The following CCDC18 variants were observed in gnomAD, a reference collection of about 807,000 sequenced individuals.
CCDC18 encodes coiled-coil domain-containing protein 18.
Under a neutral mutation model 196.0 loss-of-function variants are expected in CCDC18, and 157 were observed. That is an observed-to-expected ratio of 0.80 (90% confidence interval 0.70 to 0.91). The LOEUF is 0.91. Ranked by LOEUF, CCDC18 falls within the 40% of genes least tolerant of loss-of-function variation. The pLI is 0.00. For missense variants in CCDC18, 1,465 were observed against 1,611.6 expected (o/e 0.91, Z 1.56); for synonymous variants, 482 against 529.2 (o/e 0.91, Z 1.22).
At chr1:93,218,605 G>C (rs1656889412) in intron 14 of CCDC18, among the ~76,000 whole-genome samples, 1 of 152,000 alleles carries the variant, frequency 6.6e-6, no homozygotes, top group Non-Finnish European at 1.5e-5. Flanking sequence ...CGCCTTCTGG[G>C]TTCAAGTGAT....
At chr1:93,234,140 T>G (rs925074555) in intron 18 of CCDC18, among the ~76,000 whole-genome samples, 4 of 151,550 alleles carry the variant, frequency 2.6e-5, no homozygotes, top group Non-Finnish European at 4.4e-5. Flanking sequence ...GTTTTGTTTT[T>G]TTTTAACAAG....
At chr1:93,192,154 A>G in intron 5 of CCDC18, 48 bp downstream of exon 5, 1 of 1,202,870 alleles carries the variant, frequency 8.3e-7, no homozygotes, top group Non-Finnish European at 1.2e-6. Context: ...CTACTTATAC[A>G]TTTTATTATA....
At chr1:93,264,264 GA>G (rs1158391313) in intron 26 of CCDC18, among the ~76,000 whole-genome samples, 3 of 152,154 alleles carry the variant, frequency 2.0e-5, no homozygotes, top group African/African-American at 7.2e-5. Flanking sequence ...AATTCAAGAT[GA>G]AGCCTGGATG....
chr1:93,207,454 A>C, intron 9 of CCDC18, 56 bp downstream of exon 9: 2 of 1,306,194 alleles, frequency 1.5e-6, no homozygotes, highest in Non-Finnish European at 2.1e-6. Flanking sequence ...GTGTTTTAGA[A>C]AAGACTATCA....
At chr1:93,271,621 GC>G in intron 28 of CCDC18, 2 of 871,238 alleles carry the variant, frequency 2.3e-6, no homozygotes, top group Non-Finnish European at 2.8e-6. Flanking sequence ...GATTATTTGA[GC>G]CCAGGAGTTT....
chr1:93,215,962 T>C (rs1656417394), intron 12 of CCDC18, among the ~76,000 whole-genome samples: 2 of 152,242 alleles, frequency 1.3e-5, no homozygotes, highest in African/African-American at 4.8e-5. Context: ...ACCACATGTG[T>C]ATATCTTATA....
upstream of CCDC18, chr1:93,180,708 C>G: frequency 7.4e-7 from 1 of 1,358,362 alleles, no homozygotes; most frequent in South Asian, 1.1e-5. Context: ...AGGCGCGTCC[C>G]AACGGCTCCC....
At chr1:93,187,030 A>G (rs1650804970) in intron 4 of CCDC18, among the ~76,000 whole-genome samples, 1 of 152,090 alleles carries the variant, frequency 6.6e-6, no homozygotes, top group East Asian at 1.9e-4. Context: ...TGGTAGCATT[A>G]TATTTCATGT....
rs377603966 is a variant in CCDC18, at chr1:93,277,514, ATGC to A, written c.4354-945_4354-943del. Among the ~76,000 whole-genome samples the A allele has an allele frequency of 3.1e-4, 42 of 134,436 alleles. No individual in the cohort carries two copies. The East Asian group carries it at 5.5e-3, about 18-fold the overall frequency. The allele number at this position is 134,436 out of a possible 152,430, so 88.2% of individuals were successfully genotyped here. ...GGAGTGGTGATGACTCTTAAGGAGCATGCTGCCCTCAAGCATCTGTTTAACAAA... is the reference window on the plus strand; with the variant it reads ...GGAGTGGTGATGACTCTTAAGGAGCATGCCCTCAAGCATCTGTTTAACAAA... On this transcript the variant is annotated intron_variant, in intron 28 of 28. Coordinates refer to ENST00000690025, the MANE Select transcript of CCDC18 (RefSeq NM_001378204.1).
intron 28 of CCDC18, among the ~76,000 whole-genome samples, chr1:93,272,746 G>A (rs1292748055): frequency 1.3e-5 from 2 of 152,190 alleles, no homozygotes; most frequent in South Asian, 2.1e-4. Context: ...TGGATAAAGA[G>A]TAAAGCAGAG....
intron 21 of CCDC18, among the ~76,000 whole-genome samples, chr1:93,242,249 A>G (rs1174574396): frequency 5.3e-5 from 8 of 152,218 alleles, no homozygotes; most frequent in African/African-American, 1.9e-4. Flanking sequence ...AAAGAAGTTT[A>G]ATGGACTCAC....
chr1:93,222,019 G>T, intron 16 of CCDC18, 83 bp downstream of exon 16: 2 of 895,736 alleles, frequency 2.2e-6, no homozygotes, highest in Non-Finnish European at 3.4e-6. Context: ...GCCTAGGCTG[G>T]AGTGCAGTGG....
upstream of CCDC18, chr1:93,180,718 C>G (rs756602326): frequency 7.4e-7 from 1 of 1,360,374 alleles, no homozygotes; most frequent in African/African-American, 1.5e-5. Flanking sequence ...CAACGGCTCC[C>G]GCGGCGGTTC....
chr1:93,265,350 C>T (rs949673291), intron 27 of CCDC18, among the ~76,000 whole-genome samples: 2 of 152,124 alleles, frequency 1.3e-5, no homozygotes, highest in Non-Finnish European at 2.9e-5. Context: ...TTATGGCTCA[C>T]TACAATTACG....
At chr1:93,209,689 A>G in intron 9 of CCDC18, among the ~76,000 whole-genome samples, 1 of 152,332 alleles carries the variant, frequency 6.6e-6, no homozygotes, top group East Asian at 1.9e-4. Flanking sequence ...TTTTTAATGT[A>G]CTGTTTGCTT....
intron 24 of CCDC18, 146 bp from the exon 25 acceptor site, chr1:93,256,189 C>CT (rs1321489277): frequency 3.0e-6 from 2 of 656,158 alleles, no homozygotes; most frequent in Non-Finnish European, 5.2e-6. Flanking sequence ...GGGTGATACT[C>CT]ATTGTATGTT....
intron 4 of CCDC18, among the ~76,000 whole-genome samples, chr1:93,187,208 A>T (rs184699473): frequency 3.0e-4 from 45 of 152,030 alleles, no homozygotes; most frequent in Admixed American, 1.0e-3. Context: ...ACCTTTTTTT[A>T]AAAAAATGAG....
upstream of CCDC18, chr1:93,180,111 C>G: frequency 6.2e-7 from 1 of 1,613,876 alleles, no homozygotes; most frequent in Non-Finnish European, 8.5e-7. Context: ...AGCACTCCTT[C>G]TGGCCGGCGG....
At chr1:93,253,099 T>C (rs1157793427) in intron 23 of CCDC18, among the ~76,000 whole-genome samples, 1 of 152,010 alleles carries the variant, frequency 6.6e-6, no homozygotes, top group East Asian at 1.9e-4. Flanking sequence ...TTGGGATATA[T>C]TGTGGAATGG....
Sources: gnomAD v4.1 joint callset for allele counts (sites outside exome capture counted in the v4.1 genomes callset) on GRCh38, gnomAD v4.1.1 for gene constraint, MANE v1.5 for transcripts, NCBI Gene and HGNC (gene_info 2026-07-23, HGNC 2026-07-21) for gene names.